Variants in HECW2 observed in about 807,000 individuals in gnomAD.
HECW2 encodes the protein E3 ubiquitin-protein ligase HECW2.
Under a neutral mutation model 175.2 loss-of-function variants are expected in HECW2, and 61 were observed. The observed-to-expected ratio is 0.35, with a 90% CI of 0.28 to 0.43. HECW2 has a LOEUF of 0.43. Among genes scored for constraint, HECW2 ranks in the 20% least tolerant of loss-of-function variants. The probability of loss-of-function intolerance (pLI) is 1.00; values close to 1 mark genes in which losing one functional copy is unlikely to be tolerated. For missense variants in HECW2, 1,524 were observed against 2,000.5 expected (o/e 0.76, Z 4.54); for synonymous variants, 671 against 731.0 (o/e 0.92, Z 1.32).
intron 1 of HECW2, among the ~76,000 whole-genome samples, chr2:196,469,028 T>C (rs983593211): frequency 6.6e-6 from 1 of 152,080 alleles, no homozygotes; most frequent in Non-Finnish European, 1.5e-5. Flanking sequence ...GGTGATATGG[T>C]ACTTCCCATC....
At chr2:196,394,143 G>C (rs959681591) in intron 2 of HECW2, among the ~76,000 whole-genome samples, 3 of 150,710 alleles carry the variant, frequency 2.0e-5, no homozygotes, top group African/African-American at 7.3e-5. Flanking sequence ...ACTGGGGCCT[G>C]TCCGGGGGTG....
intron 1 of HECW2, among the ~76,000 whole-genome samples, chr2:196,544,215 G>T (rs1325842551): frequency 6.6e-6 from 1 of 152,084 alleles, no homozygotes; most frequent in Non-Finnish European, 1.5e-5. Flanking sequence ...TTATCCAAAG[G>T]CCCCACACAG....
At chr2:196,521,696 T>C (rs1164159736) in intron 1 of HECW2, among the ~76,000 whole-genome samples, 7 of 144,522 alleles carry the variant, frequency 4.8e-5, no homozygotes, top group East Asian at 2.1e-4. Context: ...TGTGATCTCA[T>C]TGTTCAATTC....
At chr2:196,208,056 G>A (rs1404773572) in intron 28 of HECW2, among the ~76,000 whole-genome samples, 1 of 152,188 alleles carries the variant, frequency 6.6e-6, no homozygotes, top group Non-Finnish European at 1.5e-5. Context: ...ACCCCTGTAA[G>A]TCCAAACAAA....
intron 2 of HECW2, among the ~76,000 whole-genome samples, chr2:196,362,827 C>T (rs1291552765): frequency 6.6e-6 from 1 of 152,148 alleles, no homozygotes; most frequent in African/African-American, 2.4e-5. Flanking sequence ...CCACCTGTGT[C>T]AGTGGTTGCA....
intron 1 of HECW2, among the ~76,000 whole-genome samples, chr2:196,539,450 G>C (rs1371663397): frequency 3.9e-5 from 6 of 152,104 alleles, no homozygotes; most frequent in African/African-American, 1.4e-4. Flanking sequence ...GGCTAACATG[G>C]TGAAACCCTG....
chr2:196,365,171 T>G (rs1333880833), intron 2 of HECW2, among the ~76,000 whole-genome samples: 1 of 152,188 alleles, frequency 6.6e-6, no homozygotes, highest in Non-Finnish European at 1.5e-5. Flanking sequence ...TTAACTAAAG[T>G]AGCTCATTCC....
intron 3 of HECW2, among the ~76,000 whole-genome samples, chr2:196,337,670 C>A (rs1008438046): frequency 1.3e-5 from 2 of 151,166 alleles, no homozygotes; most frequent in East Asian, 1.9e-4. Context: ...ATATATCTAT[C>A]TACCTCCATT....
intron 1 of HECW2, among the ~76,000 whole-genome samples, chr2:196,560,135 T>C (rs759226617): frequency 6.6e-6 from 1 of 152,190 alleles, no homozygotes; most frequent in Non-Finnish European, 1.5e-5. Flanking sequence ...ACCCTGATGA[T>C]GTTGCTGCTG....
At chr2:196,326,787 T>A (rs1267758066) in intron 5 of HECW2, among the ~76,000 whole-genome samples, 2 of 151,918 alleles carry the variant, frequency 1.3e-5, no homozygotes, top group Non-Finnish European at 2.9e-5. Context: ...TGAAAACCAG[T>A]AGGAGAAGGA....
intron 28 of HECW2, among the ~76,000 whole-genome samples, chr2:196,209,826 C>T (rs1375644645): frequency 2.0e-5 from 3 of 149,614 alleles, no homozygotes; most frequent in African/African-American, 7.4e-5. Flanking sequence ...CGCAGTGGTG[C>T]GATCTCGGCT....
chr2:196,202,976 A>G (rs892438892), intron 28 of HECW2, among the ~76,000 whole-genome samples: 1 of 152,222 alleles, frequency 6.6e-6, no homozygotes, highest in African/African-American at 2.4e-5. Flanking sequence ...CCATATTTAC[A>G]TAATTTGGTT....
In HECW2 at chr2:196,332,148, A is replaced by ACCG. The variant is rs200778792; in HGVS notation, c.495+2275_495+2276insCGG. Among the ~76,000 whole-genome samples the ACCG allele has an allele frequency of 5.7e-3, 572 of 100,382 alleles. 3 individuals carry two copies. The highest frequency in any genetic ancestry group is 0.023 in the African/African-American group (546 of 23,504). The allele number at this position is 100,382 out of a possible 152,430, so 65.9% of individuals were successfully genotyped here. ...CGCAATAGGATACGTGAGAAAAGAG[A>ACCG]CCACATGATTAGCATGACAGCTCAT... On this transcript the variant is annotated intron_variant, in intron 4 of 28. Coordinates refer to ENST00000644978, the MANE Select transcript of HECW2 (RefSeq NM_001348768.2).
At chr2:196,423,684 T>TTTGTGTG (rs1695465055) in intron 2 of HECW2, among the ~76,000 whole-genome samples, 1 of 139,946 alleles carries the variant, frequency 7.1e-6, no homozygotes, top group Admixed American at 7.1e-5. Context: ...TAGTATTCCA[T>TTTGTGTG]TGTGTGTGTG....
At chr2:196,423,933 T>A (rs1055603958) in intron 2 of HECW2, among the ~76,000 whole-genome samples, 2 of 152,054 alleles carry the variant, frequency 1.3e-5, no homozygotes, top group African/African-American at 4.8e-5. Flanking sequence ...AGAAAACTCT[T>A]TTTATGATGC....
At chr2:196,488,522 T>C (rs1445799516) in intron 1 of HECW2, among the ~76,000 whole-genome samples, 3 of 152,098 alleles carry the variant, frequency 2.0e-5, no homozygotes, top group Admixed American at 6.5e-5. Flanking sequence ...TGTAATGGCA[T>C]GGAGAAATGT....
intron 19 of HECW2, among the ~76,000 whole-genome samples, chr2:196,249,339 A>C (rs1277511384): frequency 6.6e-6 from 1 of 152,294 alleles, no homozygotes; most frequent in Admixed American, 6.5e-5. Flanking sequence ...AAACCTTCAC[A>C]TTCCAAAATT....
chr2:196,356,085 A>T (rs1693355361), intron 2 of HECW2, among the ~76,000 whole-genome samples: 1 of 152,188 alleles, frequency 6.6e-6, no homozygotes, highest in Non-Finnish European at 1.5e-5. Context: ...AGAGTGGGAG[A>T]AGAAGACATG....
intron 1 of HECW2, among the ~76,000 whole-genome samples, chr2:196,504,722 G>A (rs1303262374): frequency 6.6e-6 from 1 of 152,104 alleles, no homozygotes; most frequent in East Asian, 1.9e-4. Context: ...AGTTCTTTGG[G>A]ACAGAGAGTG....
Sources: allele counts gnomAD v4.1 joint callset (sites outside exome capture counted in the v4.1 genomes callset), GRCh38; gene constraint gnomAD v4.1.1; transcripts MANE v1.5; gene names NCBI Gene and HGNC (gene_info 2026-07-23, HGNC 2026-07-21).